Variants in MAP2K5 observed in about 807,000 individuals in gnomAD.
MAP2K5 encodes the protein dual specificity mitogen-activated protein kinase kinase 5.
A neutral mutation model predicts 83.1 loss-of-function variants in MAP2K5; 49 were observed. That is an observed-to-expected ratio of 0.59 (90% CI 0.47 to 0.75). The LOEUF (loss-of-function observed/expected upper bound fraction) is 0.75. Ranked by LOEUF, MAP2K5 falls within the 30% of genes least tolerant of loss-of-function variation. The pLI, the probability that MAP2K5 is intolerant of heterozygous loss-of-function variation, is 0.00. For synonymous variants in MAP2K5, 202 were observed against 191.8 expected (o/e 1.05, Z -0.44); for missense variants, 457 against 557.5 (o/e 0.82, Z 1.82).
At position 67,806,959 on chromosome 15, in the gene MAP2K5, A is replaced by G; in HGVS notation, c.*209A>G. The G allele has an allele frequency of 6.5e-7, 1 of 1,546,518 alleles. No individual in the cohort carries two copies. The highest frequency in any genetic ancestry group is 8.7e-7 in the Non-Finnish European group (1 of 1,152,534). On this transcript the variant is annotated 3_prime_UTR_variant, in exon 22 of 22. Transcript: ENST00000178640. ...GGCCATCCCCATACCTTCTGGTTTGAAGGCGCTGACACTGGCAGAGAGGTA... is the reference window on the plus strand; with the variant it reads ...GGCCATCCCCATACCTTCTGGTTTGGAGGCGCTGACACTGGCAGAGAGGTA...
At chr15:67,647,126 A>G (rs767657525) in intron 11 of MAP2K5, among the ~76,000 whole-genome samples, 26 of 152,170 alleles carry the variant, frequency 1.7e-4, no homozygotes, top group Non-Finnish European at 3.8e-4. Context: ...TCAGTTTTCC[A>G]TAGTCTAGTC....
At chr15:67,575,530 C>T (rs2085036879) in intron 3 of MAP2K5, among the ~76,000 whole-genome samples, 1 of 152,070 alleles carries the variant, frequency 6.6e-6, no homozygotes, top group Non-Finnish European at 1.5e-5. Context: ...CCACAGCTCT[C>T]CACCAGCTCA....
intron 13 of MAP2K5, among the ~76,000 whole-genome samples, chr15:67,687,707 A>G (rs565933092): frequency 6.6e-6 from 1 of 152,182 alleles, no homozygotes; most frequent in Non-Finnish European, 1.5e-5. Context: ...GCTCCTTCTC[A>G]GGCCAAATTC....
intron 4 of MAP2K5, among the ~76,000 whole-genome samples, chr15:67,585,149 C>T (rs1431622389): frequency 1.3e-5 from 2 of 148,336 alleles, no homozygotes; most frequent in African/African-American, 5.0e-5. Context: ...CCTTAACATA[C>T]AATTTGTAGG....
chr15:67,572,897 C>T lies in MAP2K5; in HGVS notation c.253-7857C>T, dbSNP rs1222112364. On this transcript the variant is annotated intron_variant, in intron 3 of 21. Transcript: ENST00000178640. The surrounding 1 kb of genome is among the most constrained non-coding windows in gnomAD (Gnocchi z 4.2). The stretch of plus-strand genomic sequence containing the variant: ...TATTTTTAGTAGAGACGGGTTTTCA[C>T]GTATTGGCCAGGCTGGTCTCAAACT... 1.3e-5 allele frequency among the ~76,000 whole-genome samples: 2 copies of T among 152,048 alleles called. No individual in the cohort carries two copies. The highest frequency in any genetic ancestry group is 1.9e-4 in the East Asian group (1 of 5,190).
chr15:67,745,043 C>A (rs949621512), intron 17 of MAP2K5, among the ~76,000 whole-genome samples: 4 of 151,960 alleles, frequency 2.6e-5, no homozygotes, highest in Non-Finnish European at 4.4e-5. Context: ...AAAAAAAAAT[C>A]TATGCCCAGA....
At chr15:67,654,312 G>C (rs774890317) in intron 11 of MAP2K5, among the ~76,000 whole-genome samples, 1 of 152,086 alleles carries the variant, frequency 6.6e-6, no homozygotes, top group Non-Finnish European at 1.5e-5. Flanking sequence ...TTTAACAATA[G>C]TTATCTAAAA....
rs959196655 is a variant in MAP2K5 at position 67,778,843 on chromosome 15, A to G, written c.1242+6091A>G. On this transcript the variant is annotated intron_variant, in intron 21 of 21. Transcript: ENST00000178640. The surrounding 1 kb of genome is among the most constrained non-coding windows in gnomAD (Gnocchi z 5.0). ...AATATGAAGAAAGGTGCATTTCCATAGCCCCCTTAGAGAGTGCTCATCCAC... is the reference window on the plus strand; with the variant it reads ...AATATGAAGAAAGGTGCATTTCCATGGCCCCCTTAGAGAGTGCTCATCCAC... Among the ~76,000 whole-genome samples, 5 of 152,202 alleles carry G rather than the reference A, an allele frequency of 3.3e-5. No homozygotes were observed. The highest frequency in any genetic ancestry group is 1.2e-4 in the African/African-American group (5 of 41,450).
intron 11 of MAP2K5, among the ~76,000 whole-genome samples, chr15:67,653,664 A>G (rs1376984900): frequency 4.6e-5 from 7 of 151,312 alleles, no homozygotes; most frequent in South Asian, 4.2e-4. Context: ...TTTTTTTTCT[A>G]TTCTCTGTTT....
chr15:67,776,162 A>G (rs1315980807), intron 21 of MAP2K5, among the ~76,000 whole-genome samples: 1 of 152,190 alleles, frequency 6.6e-6, no homozygotes, highest in Non-Finnish European at 1.5e-5. Context: ...GCAGGCAGCC[A>G]AGAACATTCA....
At chr15:67,806,358 C>G (rs912654356) in intron 21 of MAP2K5, among the ~76,000 whole-genome samples, 3 of 152,192 alleles carry the variant, frequency 2.0e-5, no homozygotes, top group Non-Finnish European at 4.4e-5. Context: ...GAAGACAGGC[C>G]CTCGCCCTTA....
At chr15:67,710,767 G>A (rs552504317) in intron 16 of MAP2K5, among the ~76,000 whole-genome samples, 85 of 152,296 alleles carry the variant, frequency 5.6e-4, no homozygotes, top group Non-Finnish European at 9.9e-4. Context: ...GCCTCCCAAA[G>A]TGCTGGGATT....
At chr15:67,634,618 G>A (rs1222950461) in intron 9 of MAP2K5, among the ~76,000 whole-genome samples, 1 of 151,972 alleles carries the variant, frequency 6.6e-6, no homozygotes, top group Non-Finnish European at 1.5e-5. Flanking sequence ...ATTCTTAGGT[G>A]CATTTATGTT....
At chr15:67,596,364 A>G (rs1242224864) in intron 7 of MAP2K5, among the ~76,000 whole-genome samples, 3 of 152,198 alleles carry the variant, frequency 2.0e-5, no homozygotes, top group Admixed American at 6.5e-5. Flanking sequence ...CGGTGAGCCA[A>G]GACTGCACCA....
Position 67,703,390 on chromosome 15 carries a change from A to G in MAP2K5, c.1026A>G (p.Leu342=). 2.5e-6 allele frequency: 4 copies of G among 1,613,638 alleles called. No individual in the cohort carries two copies. Among genetic ancestry groups the G allele is most frequent in the Non-Finnish European group, 3.4e-6 (4 of 1,179,610 alleles). Residue 342 remains leucine, a synonymous_variant, in exon 16 of 22, where the codon TTA becomes TTG. Coordinates refer to ENST00000178640, the MANE Select transcript of MAP2K5 (RefSeq NM_145160.3). The part of the protein sequence containing the change: ...QYGIHSDVWS[L]GISFMELALG... ...GAATTCATTCTGATGTCTGGAGCTT[A>G]GGAATCTCTTTTATGGAGGTACGTT...
At chr15:67,619,420 C>T (rs1399664386) in intron 8 of MAP2K5, among the ~76,000 whole-genome samples, 1 of 152,184 alleles carries the variant, frequency 6.6e-6, no homozygotes, top group Non-Finnish European at 1.5e-5. Flanking sequence ...TGTATCCACA[C>T]TGCCTAGCTT....
chr15:67,671,923 T>A (rs1399883158), intron 13 of MAP2K5, among the ~76,000 whole-genome samples: 1 of 151,390 alleles, frequency 6.6e-6, no homozygotes, highest in Non-Finnish European at 1.5e-5. Flanking sequence ...TTTGGTTTTT[T>A]GTCCTCATGA....
chr15:67,620,636 C>G (rs947375901), intron 8 of MAP2K5, among the ~76,000 whole-genome samples: 1 of 151,698 alleles, frequency 6.6e-6, no homozygotes, highest in African/African-American at 2.4e-5. Flanking sequence ...CTGTATAAGA[C>G]AACGATAGTA....
chr15:67,549,260 G>A, intron 1 of MAP2K5: 1 of 1,422,066 alleles, frequency 7.0e-7, no homozygotes, highest in Non-Finnish European at 9.6e-7. Flanking sequence ...TAATTTTCAT[G>A]TGTTTTCAAC....
Sources: gnomAD v4.1 joint callset for allele counts (sites outside exome capture counted in the v4.1 genomes callset) on GRCh38, gnomAD v4.1.1 for gene constraint, Gnocchi (gnomAD v3.1) non-coding constraint, MANE v1.5 for transcripts, NCBI Gene and HGNC (gene_info 2026-07-23, HGNC 2026-07-21) for gene names.